The following NPSR1 variants were observed in gnomAD, a reference collection of about 807,000 sequenced individuals.
The protein encoded by NPSR1 is neuropeptide S receptor 1.
Under a neutral mutation model 46.9 loss-of-function variants are expected in NPSR1, and 48 were observed. The observed-to-expected ratio is 1.02, with a 90% confidence interval of 0.81 to 1.30. The LOEUF (loss-of-function observed/expected upper bound fraction) is 1.30, where lower values mean the gene tolerates loss of function less well. Ranked by LOEUF, NPSR1 falls within the 50% of genes most tolerant of loss-of-function variation. The pLI is 0.00. For synonymous variants in NPSR1, 176 were observed against 168.1 expected (o/e 1.05, Z -0.36); for missense variants, 450 against 449.5 (o/e 1.00, Z -0.01).
At chr7:34,846,359 C>T (rs776319184) in intron 7 of NPSR1, among the ~76,000 whole-genome samples, 1 of 152,022 alleles carries the variant, frequency 6.6e-6, no homozygotes, top group Non-Finnish European at 1.5e-5. Context: ...ACCAAAAGGG[C>T]CCTTTCTATA....
chr7:34,745,150 A>G (rs1785141034), intron 2 of NPSR1, among the ~76,000 whole-genome samples: 1 of 152,216 alleles, frequency 6.6e-6, no homozygotes, highest in Admixed American at 6.5e-5. Context: ...CTGATTATAG[A>G]ACATTCCTAG....
rs769897360 is a variant in NPSR1 at position 34,658,458 on chromosome 7, G to A, written c.46G>A (p.Gly16Arg). 9.9e-6 allele frequency: 16 copies of A among 1,614,122 alleles called. No homozygotes were observed. The highest frequency in any genetic ancestry group is 3.3e-5 in the Admixed American group (2 of 60,020). The change falls in exon 1 of 9, where the codon GGG becomes AGG. Residue 16 changes from glycine (G) to arginine (R), a missense_variant. Gly to Arg is a moderately radical substitution (Grantham distance 125). Coordinates refer to ENST00000360581, the MANE Select transcript of NPSR1 (RefSeq NM_207172.2). Reference sequence around the variant, plus strand: ...GGGCAGCTTCGATTCCAGTGGGACCGGGCAGACGCTGGATTCTTCCCCAGT... The same window carrying A: ...GGGCAGCTTCGATTCCAGTGGGACCAGGCAGACGCTGGATTCTTCCCCAGT... Reference protein sequence around the residue: ...TEGSFDSSGTGQTLDSSPVAC... With the variant: ...TEGSFDSSGTRQTLDSSPVAC...
intron 2 of NPSR1, among the ~76,000 whole-genome samples, chr7:34,722,991 C>G (rs576768850): frequency 1.2e-4 from 18 of 152,228 alleles, no homozygotes; most frequent in Non-Finnish European, 2.4e-4. Context: ...GTGGCCTTTC[C>G]CAGCCAAATT....
At chr7:34,712,626 A>G (rs929594674) in intron 2 of NPSR1, among the ~76,000 whole-genome samples, 15 of 152,334 alleles carry the variant, frequency 9.8e-5, no homozygotes, top group Middle Eastern at 3.4e-3. Context: ...CAGGAGTTGG[A>G]ATGGAATAAA....
chr7:34,763,877 A>T (rs528428317), intron 2 of NPSR1, among the ~76,000 whole-genome samples: 1 of 152,208 alleles, frequency 6.6e-6, no homozygotes, highest in Non-Finnish European at 1.5e-5. Flanking sequence ...AGACTTAACA[A>T]ACCTGTCAAT....
chr7:34,835,231 A>G (rs1344139244), intron 6 of NPSR1, among the ~76,000 whole-genome samples: 1 of 152,140 alleles, frequency 6.6e-6, no homozygotes, highest in Non-Finnish European at 1.5e-5. Context: ...CACCCCTCCC[A>G]TTCCTTGTGC....
chr7:34,803,517 T>C (rs971653858), intron 3 of NPSR1, among the ~76,000 whole-genome samples: 3 of 147,190 alleles, frequency 2.0e-5, no homozygotes, highest in Non-Finnish European at 3.0e-5. Flanking sequence ...AATTGGACAA[T>C]GAGAACACAT....
At chr7:34,850,049 GACTT>G (rs954254442), downstream of NPSR1, 7 of 944,102 alleles carry the variant, frequency 7.4e-6, no homozygotes, top group Admixed American at 6.0e-5. Context: ...GAAAATAAAA[GACTT>G]AATTAAGCCC....
chr7:34,864,263 C>A (rs1791257802), intron 8 of NPSR1, among the ~76,000 whole-genome samples: 1 of 151,348 alleles, frequency 6.6e-6, no homozygotes, highest in Non-Finnish European at 1.5e-5. Flanking sequence ...AGGAGAAACA[C>A]CTAATGTAGA....
intron 7 of NPSR1, among the ~76,000 whole-genome samples, chr7:34,846,833 A>G (rs1790756156): frequency 6.6e-6 from 1 of 152,230 alleles, no homozygotes; most frequent in African/African-American, 2.4e-5. Context: ...TGTGTAAAAC[A>G]AAGTCAGGGA....
chr7:34,733,430 A>G (rs1784526691), intron 2 of NPSR1, among the ~76,000 whole-genome samples: 2 of 149,276 alleles, frequency 1.3e-5, no homozygotes, highest in African/African-American at 2.6e-5. Flanking sequence ...AAAAAAAAAA[A>G]AAAAGAAAAA....
chr7:34,724,981 G>A lies in NPSR1; in HGVS notation c.280+40297G>A, dbSNP rs565933432. ...ATGAGGGAGATGTTCAACGGTAATA[G>A]ACAGCAAAGTGTTACCAAGCTACCC... On this transcript the variant is annotated intron_variant, in intron 2 of 8. Coordinates refer to ENST00000360581, the MANE Select transcript of NPSR1 (RefSeq NM_207172.2). Among the ~76,000 whole-genome samples the A allele has an allele frequency of 4.6e-5, 7 of 152,100 alleles. No individual in the cohort carries two copies. In the South Asian group the frequency reaches 1.5e-3, roughly 32 times the overall value.
chr7:34,739,914 A>C (rs1278200243), intron 2 of NPSR1, among the ~76,000 whole-genome samples: 2 of 152,158 alleles, frequency 1.3e-5, no homozygotes, highest in Non-Finnish European at 2.9e-5. Context: ...TTAAGAGAGC[A>C]TCAGCTGTGG....
At position 34,869,666 on chromosome 7, in the gene NPSR1, A is replaced by G. The variant is rs568054839; in HGVS notation, c.1026-8410A>G. ...CTCCATCCATTCATTCATTCATTTA[A>G]CAAATATTTATCAAGTGCCAACTCT... On this transcript the variant is annotated intron_variant, in intron 8 of 8. Coordinates refer to the NPSR1 transcript ENST00000359791. Among the ~76,000 whole-genome samples the G allele has an allele frequency of 9.9e-5, 15 of 151,900 alleles. No individual in the cohort carries two copies. The East Asian group carries it at 2.7e-3, about 27-fold the overall frequency.
At position 34,678,942 on chromosome 7, in the gene NPSR1, C is replaced by A. The variant is rs189662556; in HGVS notation, c.148-5610C>A. ...TGTTATACTAGAATATGCTAATAAT[C>A]TAAATTTTAAAATCACAGATTATTT... On this transcript the variant is annotated intron_variant, in intron 1 of 8. Coordinates refer to ENST00000360581, the MANE Select transcript of NPSR1 (RefSeq NM_207172.2). Among the ~76,000 whole-genome samples the A allele has an allele frequency of 7.9e-3, 1,202 of 152,174 alleles. 12 individuals are homozygous for A. The highest frequency in any genetic ancestry group is 0.027 in the African/African-American group (1,138 of 41,518).
chr7:34,780,342 GTCT>G (rs752357883), intron 3 of NPSR1, among the ~76,000 whole-genome samples: 79 of 152,204 alleles, frequency 5.2e-4, no homozygotes, highest in Admixed American at 2.6e-3. Flanking sequence ...ACTTTAAAAT[GTCT>G]TCTTGATTTA....
At chr7:34,864,569 A>C (rs1230438421) in intron 8 of NPSR1, among the ~76,000 whole-genome samples, 1 of 151,814 alleles carries the variant, frequency 6.6e-6, no homozygotes, top group East Asian at 1.9e-4. Context: ...TCACCTTGTA[A>C]TTAAAAGTTC....
At chr7:34,682,404 A>G (rs1387988079) in intron 1 of NPSR1, among the ~76,000 whole-genome samples, 1 of 152,176 alleles carries the variant, frequency 6.6e-6, no homozygotes, top group Non-Finnish European at 1.5e-5. Flanking sequence ...AGAATATTAT[A>G]TTAGAACAAT....
intron 3 of NPSR1, among the ~76,000 whole-genome samples, chr7:34,789,853 C>G (rs1310706905): frequency 1.3e-5 from 2 of 151,162 alleles, no homozygotes; most frequent in African/African-American, 2.4e-5. Flanking sequence ...TCTGAACACA[C>G]CAATACTAAG....
Sources: allele counts gnomAD v4.1 joint callset (sites outside exome capture counted in the v4.1 genomes callset), GRCh38; gene constraint gnomAD v4.1.1; transcripts MANE v1.5; gene names NCBI Gene and HGNC (gene_info 2026-07-23, HGNC 2026-07-21).